The following ABCC4 variants were observed in gnomAD, a reference collection of about 807,000 sequenced individuals.
The protein encoded by ABCC4 is ATP binding cassette subfamily C member 4 (PEL blood group), also known as ATP-binding cassette sub-family C member 4.
A neutral mutation model predicts 168.5 loss-of-function variants in ABCC4; 102 were observed. That is an observed-to-expected ratio of 0.61 (90% CI 0.52 to 0.71). The LOEUF is 0.71. ABCC4 is among the 30% of genes least tolerant of loss of function. The probability of loss-of-function intolerance (pLI) is 0.00; values close to 1 mark genes in which losing one functional copy is unlikely to be tolerated. For missense variants in ABCC4, 1,402 were observed against 1,605.8 expected (o/e 0.87, Z 2.17); for synonymous variants, 617 against 590.7 (o/e 1.04, Z -0.65).
At chr13:95,239,932 A>T (rs978725158) in intron 3 of ABCC4, among the ~76,000 whole-genome samples, 4 of 152,224 alleles carry the variant, frequency 2.6e-5, no homozygotes, top group African/African-American at 4.8e-5. Flanking sequence ...AAATTAATGC[A>T]TCTTAAGCAA....
chr13:95,137,743 G>C (rs2036187374), intron 19 of ABCC4, among the ~76,000 whole-genome samples: 1 of 152,168 alleles, frequency 6.6e-6, no homozygotes, highest in Admixed American at 6.5e-5. Flanking sequence ...GACAGGAAGA[G>C]TGCTTATTTG....
intron 3 of ABCC4, among the ~76,000 whole-genome samples, chr13:95,240,250 A>G (rs956029210): frequency 6.6e-6 from 1 of 152,234 alleles, no homozygotes; most frequent in East Asian, 1.9e-4. Context: ...TCAATTAGAA[A>G]GTACACACGC....
At chr13:95,220,545 A>AG (rs2138712388) in intron 4 of ABCC4, among the ~76,000 whole-genome samples, 1 of 151,844 alleles carries the variant, frequency 6.6e-6, no homozygotes, top group Non-Finnish European at 1.5e-5. Flanking sequence ...AGGAAAAAAA[A>AG]TGACAGATGT....
intron 8 of ABCC4, among the ~76,000 whole-genome samples, chr13:95,201,816 T>C (rs1374436954): frequency 1.3e-5 from 2 of 151,894 alleles, no homozygotes; most frequent in Admixed American, 6.6e-5. Flanking sequence ...CTACTAAAAA[T>C]ACAAAAATTA....
At chr13:95,145,042 A>G (rs1247235880) in intron 19 of ABCC4, among the ~76,000 whole-genome samples, 1 of 152,194 alleles carries the variant, frequency 6.6e-6, no homozygotes, top group Non-Finnish European at 1.5e-5. Context: ...CATATGAAAA[A>G]AAGCTCAACA....
At chr13:95,167,692 A>G (rs1023364928) in intron 14 of ABCC4, among the ~76,000 whole-genome samples, 1 of 152,132 alleles carries the variant, frequency 6.6e-6, no homozygotes, top group Non-Finnish European at 1.5e-5. Context: ...TAAGACACAC[A>G]AGGAAACTCC....
intron 20 of ABCC4, among the ~76,000 whole-genome samples, chr13:95,109,332 T>A (rs1008381682): frequency 6.6e-6 from 1 of 152,016 alleles, no homozygotes; most frequent in African/African-American, 2.4e-5. Flanking sequence ...AGACTTTCGC[T>A]GGTCCTTAAA....
At chr13:95,032,039 C>T (rs1346501184) in intron 30 of ABCC4, among the ~76,000 whole-genome samples, 1 of 152,102 alleles carries the variant, frequency 6.6e-6, no homozygotes, top group Non-Finnish European at 1.5e-5. Flanking sequence ...AATGATTGAT[C>T]GGGTTTTATG....
At chr13:95,025,207 C>CA in intron 30 of ABCC4, among the ~76,000 whole-genome samples, 5 of 79,984 alleles carry the variant, frequency 6.3e-5, no homozygotes, top group African/African-American at 3.0e-4. Flanking sequence ...CACACCCCCA[C>CA]ACCCCCCACA....
Position 95,206,798 on chromosome 13 carries a change from GT to G in ABCC4, c.912-18del. ...ATCTCCTTCCTGAAAGAGAGTACAGGTTTTTAAAAAAGCAGTGATGTCAACC... is the reference window on the plus strand; with the variant it reads ...ATCTCCTTCCTGAAAGAGAGTACAGGTTTTAAAAAAGCAGTGATGTCAACC... On this transcript the variant is annotated intron_variant, in intron 7 of 30. Coordinates refer to ENST00000645237, the MANE Select transcript of ABCC4 (RefSeq NM_005845.5). The G allele has an allele frequency of 1.2e-6, 2 of 1,612,236 alleles. No homozygotes were observed. The highest frequency in any genetic ancestry group is 2.2e-5 in the East Asian group (1 of 44,824).
intron 8 of ABCC4, among the ~76,000 whole-genome samples, chr13:95,200,833 A>G (rs1272026046): frequency 6.6e-6 from 1 of 152,232 alleles, no homozygotes; most frequent in Non-Finnish European, 1.5e-5. Context: ...ATTCTGATGA[A>G]CTTGGGGACA....
intron 4 of ABCC4, among the ~76,000 whole-genome samples, chr13:95,212,764 C>T (rs7335147): frequency 0.75 from 113,247 of 151,896 alleles, 43,016 homozygotes; most frequent in Non-Finnish European, 0.84. Context: ...AAATTAAGGG[C>T]CTGCTGAAAT....
intron 22 of ABCC4, 144 bp downstream of exon 22, chr13:95,075,288 G>A (rs1015799704): frequency 1.3e-5 from 14 of 1,047,922 alleles, no homozygotes; most frequent in Admixed American, 2.2e-5. Context: ...AAGGGGATGG[G>A]GAAGGAGACG....
intron 19 of ABCC4, among the ~76,000 whole-genome samples, chr13:95,144,947 G>C (rs950305244): frequency 4.0e-5 from 6 of 151,486 alleles, no homozygotes; most frequent in African/African-American, 9.7e-5. Flanking sequence ...AAAAAGAACA[G>C]AATCTATAAG....
At chr13:95,247,551 AG>A in intron 2 of ABCC4, 91 bp downstream of exon 2, 1 of 916,404 alleles carries the variant, frequency 1.1e-6, no homozygotes, top group Non-Finnish European at 1.7e-6. Flanking sequence ...GGGTAAACGG[AG>A]GCTCCAGACA....
At chr13:95,220,241 A>C (rs1286512088) in intron 4 of ABCC4, among the ~76,000 whole-genome samples, 1 of 152,134 alleles carries the variant, frequency 6.6e-6, no homozygotes, top group Non-Finnish European at 1.5e-5. Context: ...CAAATATGAC[A>C]TGTTTCATGT....
intron 19 of ABCC4, among the ~76,000 whole-genome samples, chr13:95,119,387 C>G (rs2035484845): frequency 6.6e-6 from 1 of 152,050 alleles, no homozygotes. Context: ...ACCGAAATGT[C>G]TGAAAAGGGT....
intron 25 of ABCC4, among the ~76,000 whole-genome samples, chr13:95,066,878 C>T (rs947797016): frequency 7.9e-5 from 12 of 152,194 alleles, no homozygotes; most frequent in African/African-American, 2.9e-4. Flanking sequence ...CATACTGGTC[C>T]TATTGTCATA....
At chr13:95,075,764 G>A (rs2033879342) in intron 21 of ABCC4, 2 of 486,968 alleles carry the variant, frequency 4.1e-6, no homozygotes, top group Non-Finnish European at 7.1e-6. Flanking sequence ...CACATAAGGG[G>A]CCTGGAAATA....
Sources: gnomAD v4.1 joint callset for allele counts (sites outside exome capture counted in the v4.1 genomes callset) on GRCh38, gnomAD v4.1.1 for gene constraint, MANE v1.5 for transcripts, NCBI Gene and HGNC (gene_info 2026-07-23, HGNC 2026-07-21) for gene names.